Variants in AXDND1 observed in about 807,000 individuals in gnomAD.
AXDND1 encodes axonemal dynein light chain domain-containing protein 1.
AXDND1 carries 110 observed loss-of-function variants against 137.5 expected under a neutral mutation model. The ratio of observed to expected loss-of-function variants is 0.80; its 90% confidence interval spans 0.69 to 0.94. The LOEUF is 0.94. AXDND1 is among the 40% of genes least tolerant of loss of function. The pLI is 0.00. For synonymous variants in AXDND1, 414 were observed against 399.7 expected (o/e 1.04, Z -0.43); for missense variants, 1,191 against 1,169.8 (o/e 1.02, Z -0.26).
intron 22 of AXDND1, among the ~76,000 whole-genome samples, chr1:179,525,717 G>C (rs990041352): frequency 6.6e-6 from 1 of 151,892 alleles, no homozygotes; most frequent in African/African-American, 2.4e-5. Context: ...GGCTGGTCTT[G>C]AACTGGTCTC....
chr1:179,536,306 TA>T (rs1671554860), intron 25 of AXDND1, among the ~76,000 whole-genome samples: 2 of 152,210 alleles, frequency 1.3e-5, no homozygotes, highest in African/African-American at 4.8e-5. Flanking sequence ...TCCTGAGTGG[TA>T]TTGCCTAGGT....
chr1:179,465,640 C>T (rs1467935850), intron 16 of AXDND1, among the ~76,000 whole-genome samples: 3 of 152,220 alleles, frequency 2.0e-5, no homozygotes, highest in Non-Finnish European at 2.9e-5. Flanking sequence ...CCACTACTTG[C>T]TTCAAAGCTG....
In AXDND1 at chr1:179,397,187, G is replaced by A. The variant is rs1320201753; in HGVS notation, c.1109+1985G>A. Among the ~76,000 whole-genome samples the A allele has an allele frequency of 3.3e-5, 5 of 152,248 alleles. No homozygotes were observed. The East Asian group carries it at 9.7e-4, about 29-fold the overall frequency. On this transcript the variant is annotated intron_variant, in intron 11 of 25. Coordinates refer to ENST00000367618, the MANE Select transcript of AXDND1 (RefSeq NM_144696.6). Reference sequence around the variant, plus strand: ...CTTTTAAGGCAGATCTGGTGGTAATGAATTTTCTCAGCACTTGCTTGTCTA... The same window carrying A: ...CTTTTAAGGCAGATCTGGTGGTAATAAATTTTCTCAGCACTTGCTTGTCTA...
intron 20 of AXDND1, among the ~76,000 whole-genome samples, chr1:179,507,303 G>A (rs562237829): frequency 6.6e-5 from 10 of 152,148 alleles, no homozygotes; most frequent in South Asian, 4.2e-4. Context: ...ATTGTAAAAC[G>A]TTTACAGTAA....
At chr1:179,417,244 A>G (rs1654848954) in intron 12 of AXDND1, among the ~76,000 whole-genome samples, 1 of 148,784 alleles carries the variant, frequency 6.7e-6, no homozygotes, top group South Asian at 2.1e-4. Flanking sequence ...TTCTGGTTGT[A>G]ACTCCCTTAT....
At chr1:179,489,746 T>C (rs1339616812) in intron 18 of AXDND1, among the ~76,000 whole-genome samples, 5 of 44,570 alleles carry the variant, frequency 1.1e-4, no homozygotes, top group African/African-American at 1.2e-4. Flanking sequence ...CTTTTCTTTT[T>C]TTTTTTTTTT....
chr1:179,491,790 A>G lies in AXDND1; in HGVS notation c.2291+53A>G, dbSNP rs1417076958. ...TTTGAAGAATTGAATGTCGCATATA[A>G]CAGAGAAGAGACAGTGAAGTAGTAG... On this transcript the variant is annotated intron_variant, in intron 19 of 25. Coordinates refer to ENST00000367618, the MANE Select transcript of AXDND1 (RefSeq NM_144696.6). 17 of 1,416,718 alleles carry G rather than the reference A, an allele frequency of 1.2e-5. No individual in the cohort carries two copies. The South Asian group carries it at 2.1e-4, about 17-fold the overall frequency. 87.8% of individuals were successfully genotyped at this position (1,416,718 alleles called of 1,614,324 possible). A position where few individuals can be genotyped will look rare whatever the true frequency, so the allele number is the denominator to read the frequency against.
At chr1:179,435,617 T>C (rs1057020640) in intron 15 of AXDND1, among the ~76,000 whole-genome samples, 4 of 152,184 alleles carry the variant, frequency 2.6e-5, no homozygotes, top group Admixed American at 1.3e-4. Flanking sequence ...TAATAAATGG[T>C]GCTAGGAAAA....
chr1:179,455,135 C>G (rs1661133460), intron 16 of AXDND1: 1 of 149,428 alleles, frequency 6.7e-6, no homozygotes, highest in Non-Finnish European at 1.5e-5. Context: ...TAGCGCTGGT[C>G]ATGGTGGCAC....
intron 25 of AXDND1, chr1:179,551,340 A>C: frequency 6.2e-7 from 1 of 1,614,160 alleles, no homozygotes; most frequent in Non-Finnish European, 8.5e-7. Context: ...GTGGACAGAG[A>C]CTGAAGGGTG....
At chr1:179,434,848 C>A (rs1254918390) in intron 15 of AXDND1, among the ~76,000 whole-genome samples, 2 of 152,052 alleles carry the variant, frequency 1.3e-5, no homozygotes, top group African/African-American at 2.4e-5. Context: ...CCAGGACAAT[C>A]AGGCAAGATA....
chr1:179,488,628 CTCTCTCCTTTCTTTCTTTCTTTCTT>C (rs1666368917), intron 18 of AXDND1, among the ~76,000 whole-genome samples: 1 of 61,764 alleles, frequency 1.6e-5, no homozygotes, highest in Admixed American at 1.8e-4. Context: ...TTCTCTCTCT[CTCTCTCCTTTCTTTCTTTCTTTCTT>C]TCTTTCTTTC....
At chr1:179,520,198 T>C (rs1331647489) in intron 21 of AXDND1, among the ~76,000 whole-genome samples, 2 of 152,194 alleles carry the variant, frequency 1.3e-5, no homozygotes, top group African/African-American at 2.4e-5. Flanking sequence ...CTATTGTTAA[T>C]GTATAGGGAT....
chr1:179,484,832 A>G (rs1344694466), intron 18 of AXDND1, among the ~76,000 whole-genome samples: 2 of 152,210 alleles, frequency 1.3e-5, no homozygotes. Context: ...ATGCAAAGGT[A>G]TGCAAGGAGA....
intron 4 of AXDND1, among the ~76,000 whole-genome samples, chr1:179,374,718 C>G (rs1021754865): frequency 6.6e-6 from 1 of 151,494 alleles, no homozygotes; most frequent in South Asian, 2.1e-4. Flanking sequence ...AGCAAACTAT[C>G]ACAAGGACAG....
intron 21 of AXDND1, among the ~76,000 whole-genome samples, chr1:179,514,891 G>A (rs112829492): frequency 1.5e-4 from 23 of 152,144 alleles, no homozygotes; most frequent in African/African-American, 4.3e-4. Context: ...ACCCCTGCTC[G>A]CTTTTGGTGT....
intron 11 of AXDND1, among the ~76,000 whole-genome samples, chr1:179,409,918 A>C (rs1005954111): frequency 6.6e-6 from 1 of 151,648 alleles, no homozygotes; most frequent in African/African-American, 2.4e-5. Context: ...TTATCTGTCT[A>C]CTCTTTTGTT....
At chr1:179,398,922 G>T (rs1408904563) in intron 11 of AXDND1, among the ~76,000 whole-genome samples, 1 of 152,118 alleles carries the variant, frequency 6.6e-6, no homozygotes. Context: ...TCAGTGGCAG[G>T]GCAGGGTGTA....
At chr1:179,370,211 C>G in intron 4 of AXDND1, 133 bp downstream of exon 4, 1 of 715,278 alleles carries the variant, frequency 1.4e-6, no homozygotes, top group Non-Finnish European at 2.4e-6. Flanking sequence ...ATCTTTGAAT[C>G]AGAATACAAT....
Sources: gnomAD v4.1 joint callset for allele counts (sites outside exome capture counted in the v4.1 genomes callset) on GRCh38, gnomAD v4.1.1 for gene constraint, MANE v1.5 for transcripts, NCBI Gene and HGNC (gene_info 2026-07-23, HGNC 2026-07-21) for gene names.